LRCH3: variants seen among roughly 807,000 people sequenced by gnomAD.
The protein encoded by LRCH3 is leucine rich repeats and calponin homology domain containing 3.
LRCH3 carries 68 observed loss-of-function variants against 104.5 expected under a neutral mutation model. The ratio of observed to expected loss-of-function variants is 0.65; its 90% CI spans 0.54 to 0.80. LRCH3 has a LOEUF of 0.80. Ranked by LOEUF, LRCH3 falls within the 30% of genes least tolerant of loss-of-function variation. LRCH3 has a pLI of 0.00. For missense variants in LRCH3, 951 were observed against 953.9 expected (o/e 1.00, Z 0.04); for synonymous variants, 344 against 361.3 (o/e 0.95, Z 0.54).
At chr3:197,817,330 A>ATTTTGTGTATTTTGTGTGTGTGTGCG in intron 3 of LRCH3, 28 bp downstream of exon 3, 1 of 1,278,136 alleles carries the variant, frequency 7.8e-7, no homozygotes, top group South Asian at 1.4e-5. Flanking sequence ...ATTGTCCAAC[A>ATTTTGTGTATTTTGTGTGTGTGTGCG]TGTGTGTGTG....
intron 4 of LRCH3, among the ~76,000 whole-genome samples, chr3:197,825,082 A>G (rs78893877): frequency 0.022 from 3,288 of 152,224 alleles, 69 homozygotes; most frequent in East Asian, 0.053. Context: ...GTTGAAAACT[A>G]TTTTCTTTCA....
intron 20 of LRCH3, chr3:197,880,887 TTAGTAAACATTTACGATTGC>T: frequency 7.0e-7 from 1 of 1,434,950 alleles, no homozygotes; most frequent in Non-Finnish European, 9.1e-7. Flanking sequence ...CCCCCTCACA[TTAGTAAACATTTACGATTGC>T]TAACAAAGAG....
intron 20 of LRCH3, chr3:197,882,201 C>T (rs898482115): frequency 7.9e-5 from 78 of 985,262 alleles, no homozygotes; most frequent in African/African-American, 2.1e-4. Context: ...GAACACCGGC[C>T]GCGCAGGTCC....
At chr3:197,820,680 A>G (rs181129236) in intron 4 of LRCH3, among the ~76,000 whole-genome samples, 2 of 151,978 alleles carry the variant, frequency 1.3e-5, no homozygotes, top group South Asian at 4.2e-4. Context: ...GGGCTGGCGC[A>G]CTCTTGTAGT....
intron 1 of LRCH3, among the ~76,000 whole-genome samples, chr3:197,804,362 T>A (rs1266003703): frequency 6.6e-6 from 1 of 152,188 alleles, no homozygotes; most frequent in Non-Finnish European, 1.5e-5. Context: ...GAACATATCA[T>A]GGATATGTAC....
chr3:197,794,726 T>C (rs921963451), intron 1 of LRCH3, among the ~76,000 whole-genome samples: 5 of 152,176 alleles, frequency 3.3e-5, no homozygotes, highest in African/African-American at 9.7e-5. Context: ...TTAATCTGGC[T>C]GGGCCTGGTG....
intron 20 of LRCH3, among the ~76,000 whole-genome samples, chr3:197,879,327 C>G (rs4276235): frequency 0.097 from 14,770 of 152,236 alleles, 817 homozygotes; most frequent in African/African-American, 0.14. Flanking sequence ...ATTTTGAACA[C>G]ATTCTCGAGC....
intron 12 of LRCH3, among the ~76,000 whole-genome samples, chr3:197,849,868 C>G (rs1739330865): frequency 6.6e-6 from 1 of 152,146 alleles, no homozygotes; most frequent in South Asian, 2.1e-4. Context: ...CCCTGCCCAC[C>G]AGGCACAGCT....
Position 197,885,123 on chromosome 3 carries a change from A to G in LRCH3, c.*1457A>G, listed in dbSNP as rs538746692. On this transcript the variant is annotated 3_prime_UTR_variant, in exon 21 of 21. Transcript: ENST00000425562. ...AACAACAAGCCCTCTCTCTATACAG[A>G]GTTTCCAAATTCTGAAGCTGATAGC... The G allele has an allele frequency of 6.6e-6, 1 of 152,324 alleles. No individual in the cohort carries two copies. Among genetic ancestry groups the G allele is most frequent in the Non-Finnish European group, 1.5e-5 (1 of 68,054 alleles). The allele number at this position is 152,324 out of a possible 1,614,324, so 9.4% of individuals were successfully genotyped here. A position where few individuals can be genotyped will look rare whatever the true frequency, so the allele number is the denominator to read the frequency against.
At chr3:197,812,981 C>G (rs963133076) in intron 1 of LRCH3, among the ~76,000 whole-genome samples, 2 of 152,182 alleles carry the variant, frequency 1.3e-5, no homozygotes, top group African/African-American at 4.8e-5. Flanking sequence ...TGTTTCCACC[C>G]AGCAAAGCGC....
chr3:197,808,040 T>A (rs1431153522), intron 1 of LRCH3, among the ~76,000 whole-genome samples: 1 of 152,224 alleles, frequency 6.6e-6, no homozygotes, highest in Admixed American at 6.5e-5. Context: ...TGTACTGAAT[T>A]TTGTCCGTCA....
rs115249970 is a variant in LRCH3, at chr3:197,842,525, C to T, written c.1328+3128C>T. Among the ~76,000 whole-genome samples the T allele has an allele frequency of 2.6e-3, 394 of 152,260 alleles. 2 individuals are homozygous for T. The highest frequency in any genetic ancestry group is 8.9e-3 in the African/African-American group (370 of 41,544). ...AAAACATTGAGTGAGCATAAGGAATCCTCTGCTAGTGAGCTGAAAAGGAAA... is the reference window on the plus strand; with the variant it reads ...AAAACATTGAGTGAGCATAAGGAATTCTCTGCTAGTGAGCTGAAAAGGAAA... On this transcript the variant is annotated intron_variant, in intron 10 of 20. Transcript: ENST00000425562.
intron 15 of LRCH3, among the ~76,000 whole-genome samples, chr3:197,863,593 A>G (rs1214439342): frequency 6.6e-6 from 1 of 152,180 alleles, no homozygotes; most frequent in Non-Finnish European, 1.5e-5. Flanking sequence ...TCCCCTGCCA[A>G]GTCTTCAGCA....
chr3:197,837,331 A>T (rs1439467959), intron 9 of LRCH3, among the ~76,000 whole-genome samples: 2 of 152,206 alleles, frequency 1.3e-5, no homozygotes, highest in African/African-American at 4.8e-5. Flanking sequence ...AATGCCTATT[A>T]TACTACTATA....
At chr3:197,833,154 TTAAAA>T (rs1300418308) in intron 8 of LRCH3, among the ~76,000 whole-genome samples, 2 of 152,250 alleles carry the variant, frequency 1.3e-5, no homozygotes, top group South Asian at 2.1e-4. Flanking sequence ...TATTTAAGAC[TTAAAA>T]TAATGTTGAG....
In LRCH3 at chr3:197,861,235, A is replaced by G. The variant is rs1268362786; in HGVS notation, c.1716+2330A>G. Among the ~76,000 whole-genome samples, 3 of 152,182 alleles carry G rather than the reference A, an allele frequency of 2.0e-5. No homozygotes were observed. In the East Asian group the frequency reaches 5.8e-4, roughly 29 times the overall value. ...CCTGGATGCCTCCTGAAAAAACTTCATAATTCTCTTCCATGTGAACCCTTT... is the reference window on the plus strand; with the variant it reads ...CCTGGATGCCTCCTGAAAAAACTTCGTAATTCTCTTCCATGTGAACCCTTT... On this transcript the variant is annotated intron_variant, in intron 15 of 20. Coordinates refer to ENST00000425562, the MANE Select transcript of LRCH3 (RefSeq NM_001365715.1).
Position 197,817,266 on chromosome 3 carries a change from A to G in LRCH3, c.498A>G (p.Pro166=), listed in dbSNP as rs1398561998. The G allele has an allele frequency of 1.2e-6, 2 of 1,611,058 alleles. No homozygotes were observed. ...IASNNKLVSL[P]EEIGHLRHLM... ...GTAATAACAAATTGGTGTCACTTCC[A>G]GAAGAAATTGGACACCTTAGACATT... is the stretch of plus-strand genomic sequence containing the variant. Residue 166 remains proline (P), a synonymous_variant, in exon 3 of 21, where the codon CCA becomes CCG. Transcript: ENST00000425562.
At chr3:197,880,492 C>T (rs1319875106) in intron 20 of LRCH3, 2 of 1,524,828 alleles carry the variant, frequency 1.3e-6, no homozygotes, top group South Asian at 1.2e-5. Flanking sequence ...GTTTTCCTTT[C>T]CTGCTTACAC....
At chr3:197,811,739 C>T (rs1482260074) in intron 1 of LRCH3, among the ~76,000 whole-genome samples, 1 of 152,130 alleles carries the variant, frequency 6.6e-6, no homozygotes, top group African/African-American at 2.4e-5. Context: ...AAATATGAAG[C>T]ATTTTTCTCC....
Sources: allele counts gnomAD v4.1 joint callset (sites outside exome capture counted in the v4.1 genomes callset), GRCh38; gene constraint gnomAD v4.1.1; transcripts MANE v1.5; gene names NCBI Gene and HGNC (gene_info 2026-07-23, HGNC 2026-07-21).